SHC3: variants seen among roughly 807,000 people sequenced by gnomAD.
SHC3 encodes the protein SHC-transforming protein 3.
Under a neutral mutation model 60.4 loss-of-function variants are expected in SHC3, and 15 were observed. The ratio of observed to expected loss-of-function variants is 0.25; its 90% CI spans 0.17 to 0.38. The LOEUF (loss-of-function observed/expected upper bound fraction) is 0.38, where lower values mean the gene tolerates loss of function less well. Among genes scored for constraint, SHC3 ranks in the 10% least tolerant of loss-of-function variants. SHC3 has a pLI of 1.00. For missense variants in SHC3, 677 were observed against 786.1 expected (o/e 0.86, Z 1.66); for synonymous variants, 294 against 325.9 (o/e 0.90, Z 1.05).
At chr9:89,029,513 C>T (rs1824437390) in intron 11 of SHC3, among the ~76,000 whole-genome samples, 1 of 152,080 alleles carries the variant, frequency 6.6e-6, no homozygotes, top group South Asian at 2.1e-4. Context: ...GCTCATGCAC[C>T]TCTTCCGAGA....
intron 6 of SHC3, among the ~76,000 whole-genome samples, chr9:89,053,243 G>A (rs1027327685): frequency 6.6e-6 from 1 of 152,282 alleles, no homozygotes; most frequent in Non-Finnish European, 1.5e-5. Flanking sequence ...GCCGACAATC[G>A]TATGCCAAGG....
intron 11 of SHC3, among the ~76,000 whole-genome samples, chr9:89,023,683 G>A (rs1352622766): frequency 6.6e-6 from 1 of 152,154 alleles, no homozygotes; most frequent in Non-Finnish European, 1.5e-5. Context: ...CCACTTCTGT[G>A]TTTAACTGGC....
intron 2 of SHC3, among the ~76,000 whole-genome samples, chr9:89,103,872 T>C (rs546887272): frequency 6.6e-6 from 1 of 152,276 alleles, no homozygotes; most frequent in South Asian, 2.1e-4. Context: ...AGTCAGACTC[T>C]AAACCTACTA....
At chr9:89,072,376 A>G (rs1461379688) in intron 4 of SHC3, among the ~76,000 whole-genome samples, 2 of 152,174 alleles carry the variant, frequency 1.3e-5, no homozygotes, top group Non-Finnish European at 2.9e-5. Context: ...TTATGTTTCC[A>G]AAAACACACT....
At chr9:89,123,899 T>C (rs1041948917) in intron 1 of SHC3, among the ~76,000 whole-genome samples, 8 of 152,202 alleles carry the variant, frequency 5.3e-5, no homozygotes, top group Admixed American at 1.3e-4. Flanking sequence ...AAATCTATTA[T>C]AATATGAACA....
chr9:89,132,241 T>A lies in SHC3; in HGVS notation c.475-19615A>T, dbSNP rs145744913. On this transcript the variant is annotated intron_variant, in intron 1 of 11. Coordinates refer to ENST00000375835, the MANE Select transcript of SHC3 (RefSeq NM_016848.6). Reference sequence around the variant, plus strand: ...CTCTTCAAGGAGAACTACAAACCACTGCTCATCGAAATAAAAGAGGACACA... The same window carrying A: ...CTCTTCAAGGAGAACTACAAACCACAGCTCATCGAAATAAAAGAGGACACA... Among the ~76,000 whole-genome samples the A allele has an allele frequency of 1.9e-3, 285 of 152,238 alleles. 4 individuals carry two copies. Among genetic ancestry groups the A allele is most frequent in the African/African-American group, 6.4e-3 (266 of 41,532 alleles).
In SHC3 at chr9:89,008,982, A is replaced by G. The variant is rs1051547176; in HGVS notation, c.*4465T>C. 1 of 152,250 alleles carries G rather than the reference A, an allele frequency of 6.6e-6. No individual in the cohort carries two copies. Among genetic ancestry groups the G allele is most frequent in the Non-Finnish European group, 1.5e-5 (1 of 68,086 alleles). The allele number at this position is 152,250 out of a possible 1,614,324, so 9.4% of individuals were successfully genotyped here. On this transcript the variant is annotated 3_prime_UTR_variant, in exon 12 of 12. Transcript: ENST00000375835. ...AGGAAGTAGAAACACTGTCTCTCCCATCTGAATGACTCAGGCTTTTATGCA... is the reference window on the plus strand; with the variant it reads ...AGGAAGTAGAAACACTGTCTCTCCCGTCTGAATGACTCAGGCTTTTATGCA...
rs556931089 is a variant in SHC3, at chr9:89,046,986, C to A, written c.971G>T (p.Ser324Ile). Residue 324 changes from serine to isoleucine, a missense_variant, in exon 8 of 12, where the codon AGT (serine) becomes ATT (isoleucine). Physicochemically the swap from Ser to Ile is moderately radical, Grantham distance 142. Transcript: ENST00000375835. ...CTCTTCCGTCCATGGCTCATCCAGA[C>A]TCTGCATTCTGTTAAAGGAAGATTT... ...KIPALHDRMQSLDEPWTEEEG... is the reference protein window; with the variant it reads ...KIPALHDRMQILDEPWTEEEG... The A allele has an allele frequency of 6.3e-7, 1 of 1,578,268 alleles. No individual in the cohort carries two copies. Among genetic ancestry groups the A allele is most frequent in the South Asian group, 1.2e-5 (1 of 82,612 alleles).
rs747508809 is a variant in SHC3, at chr9:89,075,100, C to T, written c.729+9G>A. On this transcript the variant is annotated intron_variant, in intron 4 of 11. Transcript: ENST00000375835. ...TGGGCAGGGACAGGGGATCTGAGCA[C>T]CCATGTACCTGTTTGGAGTCCGGAG... 1 of 1,613,564 alleles carries T rather than the reference C, an allele frequency of 6.2e-7. No homozygotes were observed. The highest frequency in any genetic ancestry group is 1.1e-5 in the South Asian group (1 of 91,026).
At chr9:89,115,181 C>T (rs1826003580) in intron 1 of SHC3, among the ~76,000 whole-genome samples, 2 of 152,202 alleles carry the variant, frequency 1.3e-5, no homozygotes, top group South Asian at 4.1e-4. Context: ...TGAGTACTGT[C>T]TTCTCTGTCA....
intron 6 of SHC3, among the ~76,000 whole-genome samples, chr9:89,064,670 G>A (rs1167020436): frequency 2.6e-5 from 4 of 152,022 alleles, no homozygotes; most frequent in African/African-American, 9.7e-5. Context: ...CCATAAGGCC[G>A]CATCATGGAT....
intron 6 of SHC3, among the ~76,000 whole-genome samples, chr9:89,060,837 G>A (rs551414435): frequency 1.3e-5 from 2 of 152,250 alleles, no homozygotes; most frequent in East Asian, 3.9e-4. Context: ...GGCAAGAACT[G>A]GTAAGATGGA....
intron 3 of SHC3, among the ~76,000 whole-genome samples, chr9:89,075,624 C>G (rs574614869): frequency 6.6e-6 from 1 of 152,282 alleles, no homozygotes; most frequent in East Asian, 1.9e-4. Context: ...GAGGAAGAGT[C>G]AAACTAACTT....
At chr9:89,027,327 A>ATTTTTTTT (rs540788767) in intron 11 of SHC3, among the ~76,000 whole-genome samples, 4 of 130,350 alleles carry the variant, frequency 3.1e-5, no homozygotes, top group Non-Finnish European at 4.8e-5. Flanking sequence ...TGAAATTCTG[A>ATTTTTTTT]TTTTTTTTTT....
At chr9:89,165,526 CAAAA>C (rs35567194) in intron 1 of SHC3, among the ~76,000 whole-genome samples, 36 of 121,180 alleles carry the variant, frequency 3.0e-4, no homozygotes, top group African/African-American at 1.1e-3. Context: ...ATCATCAAGG[CAAAA>C]AAAAAAAAAA....
intron 2 of SHC3, among the ~76,000 whole-genome samples, chr9:89,112,190 G>T (rs1401655387): frequency 6.6e-6 from 1 of 152,050 alleles, no homozygotes; most frequent in Non-Finnish European, 1.5e-5. Context: ...AGTCTCTCTT[G>T]ACATCTTGAT....
rs541360580 is a variant in SHC3 at position 89,155,101 on chromosome 9, T to C, written c.474+22886A>G. ...GACACCCCACAAAAAAGACTGCTGG[T>C]CAGGATGACCCTGTGTGGCCTGCTG... On this transcript the variant is annotated intron_variant, in intron 1 of 11. Transcript: ENST00000375835. Among the ~76,000 whole-genome samples the C allele has an allele frequency of 2.1e-4, 32 of 152,258 alleles. 1 individual carries two copies. The highest frequency in any genetic ancestry group is 4.3e-4 in the Non-Finnish European group (29 of 68,012).
chr9:89,123,439 G>C (rs1826119622), intron 1 of SHC3, among the ~76,000 whole-genome samples: 1 of 152,120 alleles, frequency 6.6e-6, no homozygotes, highest in Non-Finnish European at 1.5e-5. Context: ...TCTGATGAGA[G>C]ATGGAAGAGG....
At chr9:89,059,154 AT>A (rs1825015817) in intron 6 of SHC3, among the ~76,000 whole-genome samples, 1 of 97,084 alleles carries the variant, frequency 1.0e-5, no homozygotes, top group African/African-American at 4.1e-5. Flanking sequence ...GTGGTGGAGG[AT>A]GGTGGTGGAG....
Sources: gnomAD v4.1 joint callset for allele counts (sites outside exome capture counted in the v4.1 genomes callset) on GRCh38, gnomAD v4.1.1 for gene constraint, MANE v1.5 for transcripts, NCBI Gene and HGNC (gene_info 2026-07-23, HGNC 2026-07-21) for gene names.